Variants in FBN1 observed in about 807,000 individuals in gnomAD.
FBN1 encodes fibrillin-1.
In FBN1, 29 loss-of-function variants were observed where a neutral mutation model predicts 365.1. The observed-to-expected ratio is 0.08, with a 90% CI of 0.06 to 0.11. The LOEUF is 0.11. Ranked by LOEUF, FBN1 falls within the 10% of genes least tolerant of loss-of-function variation. FBN1 has a pLI of 1.00. For synonymous variants in FBN1, 1,210 were observed against 1,270.5 expected, an observed-to-expected ratio of 0.95 and a Z score of 1.01; for missense variants, 2,476 against 3,703.2, an observed-to-expected ratio of 0.67 and a Z score of 8.60.
At chr15:48,591,826 G>A (rs2044479733) in intron 6 of FBN1, among the ~76,000 whole-genome samples, 1 of 152,084 alleles carries the variant, frequency 6.6e-6, no homozygotes, top group Non-Finnish European at 1.5e-5. Flanking sequence ...GTTACGAGTG[G>A]CCCCTTTCCA....
At chr15:48,428,210 G>A (rs1566893662) in intron 57 of FBN1, 136 bp downstream of exon 57, 2 of 1,115,418 alleles carry the variant, frequency 1.8e-6, no homozygotes, top group East Asian at 2.6e-5. Flanking sequence ...AGTCATTACG[G>A]CATCTCCAAA....
intron 50 of FBN1, among the ~76,000 whole-genome samples, chr15:48,441,171 T>C (rs2043111656): frequency 6.6e-6 from 1 of 152,232 alleles, no homozygotes; most frequent in African/African-American, 2.4e-5. Context: ...GGCAAACCCT[T>C]GAAAATCTTT....
At chr15:48,471,034 T>C (rs1022114300) in intron 35 of FBN1, among the ~76,000 whole-genome samples, 1 of 152,000 alleles carries the variant, frequency 6.6e-6, no homozygotes, top group Non-Finnish European at 1.5e-5. Context: ...TAGGTCCACA[T>C]CACTTTCGTA....
At position 48,604,021 on chromosome 15, in the gene FBN1, G is replaced by A. The variant is rs563260476; in HGVS notation, c.347-3787C>T. ...GTCATTCAACAGTGACTTACTGAACGTCTTTCATTTGGCAGCATTGGCCAG... is the reference window on the plus strand; with the variant it reads ...GTCATTCAACAGTGACTTACTGAACATCTTTCATTTGGCAGCATTGGCCAG... On this transcript the variant is annotated intron_variant, in intron 4 of 65. Transcript: ENST00000316623. Among the ~76,000 whole-genome samples, 29 of 152,308 alleles carry A rather than the reference G, an allele frequency of 1.9e-4. No homozygotes were observed. The South Asian group carries it at 3.3e-3, about 17-fold the overall frequency.
intron 2 of FBN1, chr15:48,641,895 T>A (rs1381501394): frequency 6.6e-6 from 1 of 152,222 alleles, no homozygotes; most frequent in East Asian, 1.9e-4. Flanking sequence ...AAATTTAACA[T>A]AAGAATTGGG....
chr15:48,595,039 T>G (rs2044506199), intron 6 of FBN1, among the ~76,000 whole-genome samples: 1 of 152,188 alleles, frequency 6.6e-6, no homozygotes, highest in Admixed American at 6.5e-5. Flanking sequence ...GATATCAACA[T>G]GCAATGTAAA....
chr15:48,585,888 T>C (rs2044431947), intron 6 of FBN1, among the ~76,000 whole-genome samples: 1 of 152,210 alleles, frequency 6.6e-6, no homozygotes, highest in East Asian at 1.9e-4. Flanking sequence ...TGATTTATGT[T>C]TCACTTAGTA....
chr15:48,444,467 A>C lies in FBN1; in HGVS notation c.6037+74T>G, dbSNP rs1439179804. The C allele has an allele frequency of 2.5e-6, 4 of 1,569,536 alleles. No individual in the cohort carries two copies. In the African/African-American group the frequency reaches 5.4e-5, roughly 21 times the overall value. The stretch of plus-strand genomic sequence containing the variant: ...AGTATTCCAAAATGAAGACGTCATT[A>C]CAAAAATTCTCATTCTGCTAAGTCC... On this transcript the variant is annotated intron_variant, in intron 49 of 65. Coordinates refer to ENST00000316623, the MANE Select transcript of FBN1 (RefSeq NM_000138.5).
chr15:48,472,976 T>C (rs187809459), intron 34 of FBN1, among the ~76,000 whole-genome samples: 44 of 152,322 alleles, frequency 2.9e-4, no homozygotes, highest in African/African-American at 8.9e-4. Context: ...TGACAGGAAA[T>C]GACACATCAT....
chr15:48,526,365 C>G (rs1003767015), intron 8 of FBN1, 110 bp from the exon 9 acceptor site: 8 of 1,218,020 alleles, frequency 6.6e-6, no homozygotes, highest in Non-Finnish European at 9.5e-6. Flanking sequence ...CTGGAAACAG[C>G]CATCATTAAA....
chr15:48,536,079 A>G (rs2044010760), intron 7 of FBN1, among the ~76,000 whole-genome samples: 1 of 152,278 alleles, frequency 6.6e-6, no homozygotes, highest in South Asian at 2.1e-4. Flanking sequence ...ACCAGCAAGG[A>G]GCAAGAGCCA....
intron 6 of FBN1, among the ~76,000 whole-genome samples, chr15:48,581,246 T>G (rs540251748): frequency 2.0e-5 from 3 of 152,178 alleles, no homozygotes; most frequent in Non-Finnish European, 4.4e-5. Context: ...ATTCTAAATT[T>G]CCAGTAGTTT....
At chr15:48,467,834 G>A in intron 38 of FBN1, 104 bp downstream of exon 38, 1 of 1,073,112 alleles carries the variant, frequency 9.3e-7, no homozygotes, top group South Asian at 1.3e-5. Context: ...TGAGAGGACT[G>A]ATCTTTCTTC....
chr15:48,535,949 C>G (rs1240411404), intron 7 of FBN1, among the ~76,000 whole-genome samples: 1 of 152,090 alleles, frequency 6.6e-6, no homozygotes, highest in South Asian at 2.1e-4. Context: ...TTCTGGCCAA[C>G]AGAAAATATA....
At chr15:48,471,614 G>A (rs1321261392) in intron 35 of FBN1, among the ~76,000 whole-genome samples, 2 of 152,074 alleles carry the variant, frequency 1.3e-5, no homozygotes, top group South Asian at 2.1e-4. Flanking sequence ...AACACCCAAC[G>A]GTTCCATAAC....
rs376680353 is a variant in FBN1, at chr15:48,512,017, GT to G, written c.1588+1531del. Among the ~76,000 whole-genome samples the G allele has an allele frequency of 1.5e-3, 231 of 152,302 alleles. 1 individual carries two copies. The highest frequency in any genetic ancestry group is 5.3e-3 in the African/African-American group (221 of 41,570). Reference sequence around the variant, plus strand: ...TAATATTAAGAAGGTTCTCAACTCAGTTACGTGTTCAACCTATCCATATTTA... The same window carrying G: ...TAATATTAAGAAGGTTCTCAACTCAGTACGTGTTCAACCTATCCATATTTA... On this transcript the variant is annotated intron_variant, in intron 13 of 65. Transcript: ENST00000316623.
intron 15 of FBN1, among the ~76,000 whole-genome samples, chr15:48,508,037 A>G (rs192443995): frequency 2.4e-4 from 36 of 152,302 alleles, no homozygotes; most frequent in Non-Finnish European, 3.8e-4. Flanking sequence ...TTGTTTATTT[A>G]TTCTGCTTAA....
chr15:48,428,263 T>C, intron 57 of FBN1, 83 bp downstream of exon 57: 1 of 1,528,202 alleles, frequency 6.5e-7, no homozygotes, highest in Admixed American at 1.7e-5. Context: ...GACATTTTCT[T>C]GTATTTTAAA....
At chr15:48,506,919 G>GCTCTCT (rs150432019) in intron 15 of FBN1, among the ~76,000 whole-genome samples, 1 of 149,614 alleles carries the variant, frequency 6.7e-6, no homozygotes, top group African/African-American at 2.4e-5. Context: ...GAGCTGTGGA[G>GCTCTCT]CTCTCTCTCT....
Sources: gnomAD v4.1 joint callset for allele counts (sites outside exome capture counted in the v4.1 genomes callset) on GRCh38, gnomAD v4.1.1 for gene constraint, MANE v1.5 for transcripts, NCBI Gene and HGNC (gene_info 2026-07-23, HGNC 2026-07-21) for gene names.